NLGN1: variants seen among roughly 807,000 people sequenced by gnomAD.
The protein encoded by NLGN1 is neuroligin 1.
NLGN1 carries 12 observed loss-of-function variants against 65.5 expected under a neutral mutation model. The ratio of observed to expected loss-of-function variants is 0.18; its 90% CI spans 0.12 to 0.30. NLGN1 has a LOEUF of 0.30. Ranked by LOEUF, NLGN1 falls within the 10% of genes least tolerant of loss-of-function variation. The pLI, the probability that NLGN1 is intolerant of heterozygous loss-of-function variation, is 1.00. For missense variants in NLGN1, 750 were observed against 1,007.1 expected (o/e 0.74, Z 3.46); for synonymous variants, 350 against 359.5 (o/e 0.97, Z 0.30).
chr3:173,624,001 G>C (rs1754428626), intron 3 of NLGN1, among the ~76,000 whole-genome samples: 2 of 152,044 alleles, frequency 1.3e-5, no homozygotes, highest in East Asian at 1.9e-4. Context: ...AGGAATCCTG[G>C]AAGAACATGT....
intron 2 of NLGN1, among the ~76,000 whole-genome samples, chr3:173,550,775 TA>T: frequency 6.6e-6 from 1 of 152,072 alleles, no homozygotes. Context: ...ACTAGTGTCT[TA>T]AACAGCAGAA....
intron 3 of NLGN1, among the ~76,000 whole-genome samples, chr3:173,794,042 C>A (rs993935728): frequency 1.3e-5 from 2 of 151,990 alleles, no homozygotes; most frequent in Non-Finnish European, 2.9e-5. Context: ...CAGGCTTCCT[C>A]TCTTTTGGGG....
intron 4 of NLGN1, among the ~76,000 whole-genome samples, chr3:174,250,563 T>C (rs2152841923): frequency 1.3e-5 from 2 of 152,226 alleles, no homozygotes; most frequent in East Asian, 3.9e-4. Context: ...ACTGAAAGCC[T>C]AGAGGAAGAC....
At chr3:173,439,780 G>T (rs1396923296) in intron 2 of NLGN1, among the ~76,000 whole-genome samples, 1 of 152,088 alleles carries the variant, frequency 6.6e-6, no homozygotes, top group Non-Finnish European at 1.5e-5. Flanking sequence ...GGTTATTTGA[G>T]CCTTCAGTGA....
intron 4 of NLGN1, among the ~76,000 whole-genome samples, chr3:173,893,560 T>C (rs1037126229): frequency 1.6e-4 from 25 of 152,172 alleles, no homozygotes; most frequent in Non-Finnish European, 2.5e-4. Flanking sequence ...GATGCTTGAC[T>C]TTTTCCTCAA....
At chr3:174,016,704 G>T (rs1458079123) in intron 4 of NLGN1, among the ~76,000 whole-genome samples, 3 of 152,154 alleles carry the variant, frequency 2.0e-5, no homozygotes, top group Non-Finnish European at 4.4e-5. Flanking sequence ...TAATGGTAAA[G>T]AATATTTTCA....
chr3:173,597,577 G>A (rs1198361507), intron 2 of NLGN1, among the ~76,000 whole-genome samples: 16 of 151,758 alleles, frequency 1.1e-4, no homozygotes, highest in Non-Finnish European at 2.9e-5. Flanking sequence ...TAGTCTGTAC[G>A]TTTGATAACC....
At chr3:173,842,141 C>G (rs1249744935) in intron 4 of NLGN1, among the ~76,000 whole-genome samples, 4 of 152,108 alleles carry the variant, frequency 2.6e-5, no homozygotes, top group Non-Finnish European at 5.9e-5. Flanking sequence ...CAGGGGAACT[C>G]CCATTTTTAA....
At chr3:173,397,440 C>G (rs574820189), upstream of NLGN1, among the ~76,000 whole-genome samples, 11 of 152,250 alleles carry the variant, frequency 7.2e-5, no homozygotes, top group South Asian at 2.1e-4. Flanking sequence ...TTCTGTGCCG[C>G]TAACCTCTTT....
intron 3 of NLGN1, among the ~76,000 whole-genome samples, chr3:173,621,610 A>G (rs985650737): frequency 6.6e-6 from 1 of 152,072 alleles, no homozygotes; most frequent in Non-Finnish European, 1.5e-5. Flanking sequence ...GAGACTAGAT[A>G]TGGGGTAATA....
intron 4 of NLGN1, among the ~76,000 whole-genome samples, chr3:173,815,938 T>TGTCATTC (rs1718946494): frequency 6.6e-6 from 1 of 151,212 alleles, no homozygotes; most frequent in South Asian, 2.1e-4. Flanking sequence ...AATATTATTA[T>TGTCATTC]GTCATTCTTT....
At chr3:173,997,995 A>T (rs946832805) in intron 4 of NLGN1, among the ~76,000 whole-genome samples, 3 of 152,104 alleles carry the variant, frequency 2.0e-5, no homozygotes, top group Non-Finnish European at 2.9e-5. Context: ...CAACATCAAT[A>T]CGAGTTTCTG....
At chr3:173,660,366 T>TTA (rs988714760) in intron 3 of NLGN1, among the ~76,000 whole-genome samples, 9 of 150,438 alleles carry the variant, frequency 6.0e-5, no homozygotes, top group African/African-American at 2.0e-4. Flanking sequence ...TTATTTTATT[T>TTA]TTTTTTTCAA....
chr3:173,620,948 A>T (rs1417224250), intron 3 of NLGN1, among the ~76,000 whole-genome samples: 1 of 152,202 alleles, frequency 6.6e-6, no homozygotes, highest in African/African-American at 2.4e-5. Context: ...ATAAATGACT[A>T]GACAAATGAA....
intron 2 of NLGN1, chr3:173,585,006 G>C (rs1186139641): frequency 2.0e-5 from 3 of 152,274 alleles, no homozygotes; most frequent in African/African-American, 7.2e-5. Flanking sequence ...AGATGAGGGG[G>C]CTCCCTCTGT....
At position 173,565,737 on chromosome 3, in the gene NLGN1, C is replaced by A. The variant is rs186863681; in HGVS notation, c.-320-38542C>A. 3.8e-3 allele frequency among the ~76,000 whole-genome samples: 577 copies of A among 152,178 alleles called. 1 individual carries two copies. The highest frequency in any genetic ancestry group is 0.014 in the African/African-American group (562 of 41,502). ...CATAAAGGTAAACCAATTTATACTA[C>A]CCCCAAATGCTTTGAAAGACAGAAA... On this transcript the variant is annotated intron_variant, in intron 2 of 6. Coordinates refer to ENST00000457714, the Ensembl canonical transcript of NLGN1.
intron 1 of NLGN1, among the ~76,000 whole-genome samples, chr3:173,401,436 A>AT (rs1204410512): frequency 6.7e-6 from 1 of 149,908 alleles, no homozygotes; most frequent in African/African-American, 2.5e-5. Context: ...GATCTTTTTG[A>AT]TTTTTTGCTT....
At chr3:173,707,368 C>T (rs1282770130) in intron 3 of NLGN1, among the ~76,000 whole-genome samples, 5 of 152,176 alleles carry the variant, frequency 3.3e-5, no homozygotes. Context: ...CTGTGAACCT[C>T]AGTTTAATTC....
At chr3:173,861,591 T>C (rs577386126) in intron 4 of NLGN1, among the ~76,000 whole-genome samples, 19 of 151,090 alleles carry the variant, frequency 1.3e-4, no homozygotes, top group African/African-American at 3.9e-4. Flanking sequence ...CACACACATA[T>C]ATGTGTGTAT....
Sources: gnomAD v4.1 joint callset for allele counts (sites outside exome capture counted in the v4.1 genomes callset) on GRCh38, gnomAD v4.1.1 for gene constraint, MANE v1.5 for transcripts, NCBI Gene and HGNC (gene_info 2026-07-23, HGNC 2026-07-21) for gene names.